Variants in LAMA2 observed in about 807,000 individuals in gnomAD.
LAMA2 encodes laminin subunit alpha-2.
LAMA2 carries 269 observed loss-of-function variants against 364.8 expected under a neutral mutation model. That is an observed-to-expected ratio of 0.74 (90% CI 0.67 to 0.82). LAMA2 has a LOEUF of 0.82. Ranked by LOEUF, LAMA2 falls within the 40% of genes least tolerant of loss-of-function variation. The probability of loss-of-function intolerance (pLI) is 0.00; values close to 1 mark genes in which losing one functional copy is unlikely to be tolerated. For missense variants in LAMA2, 3,807 were observed against 3,873.2 expected (o/e 0.98, Z 0.45); for synonymous variants, 1,379 against 1,370.6 (o/e 1.01, Z -0.14).
At chr6:129,396,715 C>T (rs192874472) in intron 37 of LAMA2, among the ~76,000 whole-genome samples, 1 of 152,226 alleles carries the variant, frequency 6.6e-6, no homozygotes, top group East Asian at 1.9e-4. Flanking sequence ...ACCATTATAT[C>T]CTTGCCAAAG....
intron 3 of LAMA2, among the ~76,000 whole-genome samples, chr6:129,077,146 T>C (rs1427970106): frequency 6.6e-6 from 1 of 152,164 alleles, no homozygotes; most frequent in African/African-American, 2.4e-5. Flanking sequence ...CGTAATAATA[T>C]TTAAATTGAA....
chr6:129,246,914 G>A (rs1259944132), intron 12 of LAMA2, among the ~76,000 whole-genome samples: 2 of 152,082 alleles, frequency 1.3e-5, no homozygotes, highest in Non-Finnish European at 1.5e-5. Flanking sequence ...CTGAATAATA[G>A]CATCCTTCAG....
chr6:129,205,611 G>A (rs777649775), intron 12 of LAMA2, among the ~76,000 whole-genome samples: 1 of 151,706 alleles, frequency 6.6e-6, no homozygotes, highest in Non-Finnish European at 1.5e-5. Context: ...GCCAATCACT[G>A]AGAGACTGAT....
chr6:129,254,106 T>C (rs994719730), intron 14 of LAMA2, among the ~76,000 whole-genome samples: 1 of 152,212 alleles, frequency 6.6e-6, no homozygotes, highest in African/African-American at 2.4e-5. Flanking sequence ...TCAACTTGTC[T>C]TGCACAGTAG....
intron 1 of LAMA2, among the ~76,000 whole-genome samples, chr6:128,938,099 A>G (rs1387303397): frequency 6.6e-6 from 1 of 151,860 alleles, no homozygotes; most frequent in African/African-American, 2.4e-5. Context: ...AATATTTCTG[A>G]CTTTTTAGCC....
intron 12 of LAMA2, among the ~76,000 whole-genome samples, chr6:129,209,663 C>T (rs1562334778): frequency 6.6e-6 from 1 of 152,074 alleles, no homozygotes; most frequent in Admixed American, 6.6e-5. Context: ...CTCTCAAGTG[C>T]GGTGCTCAGG....
rs768443697 is a variant in LAMA2 at position 129,342,418 on chromosome 6, C to A, written c.4387C>A (p.Pro1463Thr). ...LGYYGIVKGL[P>T]NDCQQCACPL... ...ATACTATGGAATTGTCAAGGGATTG[C>A]CAAATGACTGTCAGCAATGTGCCTG... The change falls in exon 30 of 65, where the codon CCA (proline) becomes ACA (threonine). Residue 1463 changes from proline to threonine, a missense_variant. By Grantham distance (38) the Pro-to-Thr change is conservative (BLOSUM62 -1). Transcript: ENST00000421865. 8.1e-6 allele frequency: 13 copies of A among 1,613,166 alleles called. No individual in the cohort carries two copies. The South Asian group carries it at 1.4e-4, about 18-fold the overall frequency.
chr6:129,376,156 T>G (rs1778363298), intron 34 of LAMA2, among the ~76,000 whole-genome samples: 1 of 152,200 alleles, frequency 6.6e-6, no homozygotes, highest in African/African-American at 2.4e-5. Flanking sequence ...TAATCTCTGC[T>G]TCTCTCTCAT....
At chr6:129,409,545 T>C (rs147344820) in intron 40 of LAMA2, among the ~76,000 whole-genome samples, 368 of 152,334 alleles carry the variant, frequency 2.4e-3, no homozygotes, top group Non-Finnish European at 4.4e-3. Flanking sequence ...TTAGGTTGCA[T>C]GGTGACTTGA....
intron 1 of LAMA2, among the ~76,000 whole-genome samples, chr6:128,934,092 C>T (rs912890517): frequency 6.6e-6 from 1 of 152,108 alleles, no homozygotes; most frequent in Non-Finnish European, 1.5e-5. Context: ...AGTCTTGAAT[C>T]CATTTTCAGT....
chr6:129,451,672 CA>C (rs1486904355), intron 45 of LAMA2, among the ~76,000 whole-genome samples: 2 of 152,194 alleles, frequency 1.3e-5, no homozygotes, highest in African/African-American at 4.8e-5. Context: ...CAGAAGGTCT[CA>C]AATCTATATG....
chr6:128,956,117 G>A (rs1781129520), intron 1 of LAMA2, among the ~76,000 whole-genome samples: 1 of 151,934 alleles, frequency 6.6e-6, no homozygotes, highest in Non-Finnish European at 1.5e-5. Flanking sequence ...AATATGCCAT[G>A]TGGTATATGG....
intron 1 of LAMA2, among the ~76,000 whole-genome samples, chr6:128,911,218 A>G (rs9482951): frequency 0.22 from 33,333 of 151,576 alleles, 5,477 homozygotes; most frequent in African/African-American, 0.47. Flanking sequence ...GGGCAATGGC[A>G]GACGCCCCTC....
intron 3 of LAMA2, among the ~76,000 whole-genome samples, chr6:129,063,343 G>A (rs1265487771): frequency 6.6e-6 from 1 of 152,084 alleles, no homozygotes; most frequent in Admixed American, 6.6e-5. Flanking sequence ...GGACTCAAAC[G>A]TTAATAAGAT....
intron 36 of LAMA2, among the ~76,000 whole-genome samples, chr6:129,392,740 T>A (rs1779388386): frequency 6.6e-6 from 1 of 152,218 alleles, no homozygotes; most frequent in Admixed American, 6.5e-5. Context: ...TTTTGGTATG[T>A]GAAGTGAATC....
chr6:129,304,756 C>T (rs1773763109), intron 22 of LAMA2, among the ~76,000 whole-genome samples: 1 of 152,054 alleles, frequency 6.6e-6, no homozygotes, highest in African/African-American at 2.4e-5. Flanking sequence ...TGTTTAGTTT[C>T]TAAATATTTG....
chr6:129,493,155 C>CA (rs1562616339), intron 58 of LAMA2, among the ~76,000 whole-genome samples: 1 of 151,724 alleles, frequency 6.6e-6, no homozygotes, highest in African/African-American at 2.4e-5. Context: ...ACTCCATCTC[C>CA]AAAAAATAAA....
intron 1 of LAMA2, among the ~76,000 whole-genome samples, chr6:128,897,835 T>A (rs948423234): frequency 1.2e-4 from 18 of 152,168 alleles, no homozygotes; most frequent in African/African-American, 4.1e-4. Context: ...GCCAGTTTAC[T>A]AGTTAACAGG....
intron 1 of LAMA2, among the ~76,000 whole-genome samples, chr6:128,988,219 A>G (rs1783389606): frequency 6.6e-6 from 1 of 152,208 alleles, no homozygotes; most frequent in African/African-American, 2.4e-5. Context: ...GCATTTGGAT[A>G]TCTACAAAAG....
Sources: allele counts gnomAD v4.1 joint callset (sites outside exome capture counted in the v4.1 genomes callset), GRCh38; gene constraint gnomAD v4.1.1; transcripts MANE v1.5; gene names NCBI Gene and HGNC (gene_info 2026-07-23, HGNC 2026-07-21).